NKAIN2: variants seen among roughly 807,000 people sequenced by gnomAD.
NKAIN2 encodes sodium/potassium transporting ATPase interacting 2.
In NKAIN2, 14 loss-of-function variants were observed where a neutral mutation model predicts 32.6. That is an observed-to-expected ratio of 0.43 (90% CI 0.28 to 0.67). NKAIN2 has a LOEUF of 0.67. Among genes scored for constraint, NKAIN2 ranks in the 30% least tolerant of loss-of-function variants. The pLI, the probability that NKAIN2 is intolerant of heterozygous loss-of-function variation, is 0.17. For synonymous variants in NKAIN2, 80 were observed against 87.2 expected (o/e 0.92, Z 0.46); for missense variants, 198 against 258.3 (o/e 0.77, Z 1.60).
chr6:123,833,493 T>C (rs1045569769), intron 1 of NKAIN2, among the ~76,000 whole-genome samples: 1 of 152,182 alleles, frequency 6.6e-6, no homozygotes, highest in Non-Finnish European at 1.5e-5. Context: ...TTAGATTTCA[T>C]TGAAGCTATA....
intron 1 of NKAIN2, among the ~76,000 whole-genome samples, chr6:124,027,273 A>G (rs145851537): frequency 3.4e-4 from 51 of 151,506 alleles, no homozygotes; most frequent in Middle Eastern, 3.4e-3. Flanking sequence ...CCAAGTAGCT[A>G]GGATTACAGG....
intron 2 of NKAIN2, among the ~76,000 whole-genome samples, chr6:124,288,440 A>G (rs1353441410): frequency 3.3e-5 from 5 of 152,224 alleles, no homozygotes; most frequent in Non-Finnish European, 2.9e-5. Flanking sequence ...CCTCTCCCAT[A>G]TCAAGGATTA....
intron 1 of NKAIN2, among the ~76,000 whole-genome samples, chr6:124,109,683 C>T (rs1009671613): frequency 1.3e-5 from 2 of 151,926 alleles, no homozygotes; most frequent in Non-Finnish European, 2.9e-5. Context: ...TTGCCTCATT[C>T]CTGATTGTAG....
intron 4 of NKAIN2, among the ~76,000 whole-genome samples, chr6:124,665,306 C>T (rs1190871920): frequency 6.6e-6 from 1 of 152,106 alleles, no homozygotes. Context: ...GGCATAAAGA[C>T]AAACATATAG....
At chr6:124,062,091 G>A (rs1782939842) in intron 1 of NKAIN2, among the ~76,000 whole-genome samples, 1 of 152,028 alleles carries the variant, frequency 6.6e-6, no homozygotes, top group Non-Finnish European at 1.5e-5. Flanking sequence ...TGCTCAAGTA[G>A]GCTTGTTCAT....
At chr6:124,477,853 CCTCT>C (rs199900065) in intron 3 of NKAIN2, among the ~76,000 whole-genome samples, 125 of 142,190 alleles carry the variant, frequency 8.8e-4, no homozygotes, top group Non-Finnish European at 1.6e-3. Context: ...TCCTCTTCTT[CCTCT>C]CTCTCTCTCT....
At chr6:124,257,606 A>G (rs1383467584) in intron 1 of NKAIN2, among the ~76,000 whole-genome samples, 1 of 152,146 alleles carries the variant, frequency 6.6e-6, no homozygotes, top group Non-Finnish European at 1.5e-5. Flanking sequence ...CATAAGACCT[A>G]AAAAGGTCTA....
intron 1 of NKAIN2, among the ~76,000 whole-genome samples, chr6:123,909,752 C>CA (rs1178077766): frequency 2.0e-5 from 3 of 152,090 alleles, no homozygotes; most frequent in Non-Finnish European, 2.9e-5. Context: ...ATTCTTATCA[C>CA]AGAGTACAAA....
At chr6:123,806,635 A>G (rs1006827881) in intron 1 of NKAIN2, among the ~76,000 whole-genome samples, 1 of 152,076 alleles carries the variant, frequency 6.6e-6, no homozygotes, top group South Asian at 2.1e-4. Flanking sequence ...TTTACAAATA[A>G]ACCAGGTTTC....
At chr6:123,817,922 A>G (rs1218930820) in intron 1 of NKAIN2, among the ~76,000 whole-genome samples, 2 of 152,152 alleles carry the variant, frequency 1.3e-5, no homozygotes, top group Non-Finnish European at 2.9e-5. Context: ...GCTACTTTTT[A>G]TGGTCAATTA....
rs191662466 is a variant in NKAIN2 at position 123,836,289 on chromosome 6, A to G, written c.54+32035A>G. On this transcript the variant is annotated intron_variant, in intron 1 of 6. Transcript: ENST00000368417. Reference sequence around the variant, plus strand: ...CAAAAGGTAATATATGAAAAGGGAAAAACAGAAGTAAATTTACTTTTGAGA... The same window carrying G: ...CAAAAGGTAATATATGAAAAGGGAAGAACAGAAGTAAATTTACTTTTGAGA... Among the ~76,000 whole-genome samples the G allele has an allele frequency of 1.6e-3, 249 of 152,210 alleles. 1 individual carries two copies. Among genetic ancestry groups the G allele is most frequent in the Middle Eastern group, 6.8e-3 (2 of 294 alleles).
At chr6:124,227,619 C>T (rs972861720) in intron 1 of NKAIN2, among the ~76,000 whole-genome samples, 1 of 152,086 alleles carries the variant, frequency 6.6e-6, no homozygotes, top group Non-Finnish European at 1.5e-5. Context: ...TCCAATTTTC[C>T]AGAGATGCCG....
At chr6:123,889,734 T>C (rs1171680128) in intron 1 of NKAIN2, among the ~76,000 whole-genome samples, 1 of 152,184 alleles carries the variant, frequency 6.6e-6, no homozygotes, top group East Asian at 1.9e-4. Context: ...AGTAAGCTTA[T>C]AGCTACTCAT....
At chr6:123,903,911 A>AT (rs112148060) in intron 1 of NKAIN2, among the ~76,000 whole-genome samples, 13,545 of 145,904 alleles carry the variant, frequency 0.093, 1,449 homozygotes, top group African/African-American at 0.26. Flanking sequence ...TATTATACGC[A>AT]TTTTTTTTTT....
chr6:123,960,296 T>A (rs1305039139), intron 1 of NKAIN2, among the ~76,000 whole-genome samples: 2 of 152,150 alleles, frequency 1.3e-5, no homozygotes, highest in African/African-American at 4.8e-5. Context: ...ATCTCCACAT[T>A]TCCACCATTG....
Position 124,289,455 on chromosome 6 carries a change from C to G in NKAIN2, c.192+6313C>G, listed in dbSNP as rs564241122. Among the ~76,000 whole-genome samples the G allele has an allele frequency of 2.0e-5, 3 of 152,204 alleles. No individual in the cohort carries two copies. In the East Asian group the frequency reaches 5.8e-4, roughly 29 times the overall value. On this transcript the variant is annotated intron_variant, in intron 2 of 6. Transcript: ENST00000368417. ...GCATCCTGGCCAAAGCATGGGGCCA[C>G]AGGGTGACTGGAGCACCAGAGACAA...
At chr6:124,420,966 C>A (rs749025710) in intron 3 of NKAIN2, among the ~76,000 whole-genome samples, 2 of 150,200 alleles carry the variant, frequency 1.3e-5, no homozygotes, top group Non-Finnish European at 3.0e-5. Flanking sequence ...CACATGCATA[C>A]GTGATATAAA....
intron 3 of NKAIN2, among the ~76,000 whole-genome samples, chr6:124,497,466 A>G (rs950231954): frequency 2.6e-5 from 4 of 152,172 alleles, no homozygotes; most frequent in African/African-American, 9.7e-5. Context: ...TGAAAATGCC[A>G]CTTTTAATAA....
At chr6:124,599,019 A>T (rs1381972547) in intron 3 of NKAIN2, among the ~76,000 whole-genome samples, 13 of 141,944 alleles carry the variant, frequency 9.2e-5, no homozygotes, top group South Asian at 2.2e-4. Flanking sequence ...ACACAAATCT[A>T]TTTTTTTTTT....
Sources: allele counts gnomAD v4.1 joint callset (sites outside exome capture counted in the v4.1 genomes callset), GRCh38; gene constraint gnomAD v4.1.1; transcripts MANE v1.5; gene names NCBI Gene and HGNC (gene_info 2026-07-23, HGNC 2026-07-21).